LPGAT1: variants seen among roughly 807,000 people sequenced by gnomAD.
LPGAT1 encodes the protein lysophosphatidylglycerol acyltransferase 1, also known as acyl-CoA:lysophosphatidylglycerol acyltransferase 1.
LPGAT1 carries 11 observed loss-of-function variants against 47.5 expected under a neutral mutation model. The ratio of observed to expected loss-of-function variants is 0.23; its 90% CI spans 0.15 to 0.38. LPGAT1 has a LOEUF of 0.38. Ranked by LOEUF, LPGAT1 falls within the 10% of genes least tolerant of loss-of-function variation. LPGAT1 has a pLI of 1.00. For synonymous variants in LPGAT1, 138 were observed against 144.2 expected, an observed-to-expected ratio of 0.96 and a Z score of 0.31; for missense variants, 293 against 439.0, an observed-to-expected ratio of 0.67 and a Z score of 2.97.
chr1:211,825,787 C>A (rs1160736786), intron 2 of LPGAT1, among the ~76,000 whole-genome samples: 2 of 152,148 alleles, frequency 1.3e-5, no homozygotes, highest in African/African-American at 2.4e-5. Flanking sequence ...AGTGAAACCC[C>A]CATCTCTACT....
chr1:211,802,359 A>C (rs932154008), intron 2 of LPGAT1, among the ~76,000 whole-genome samples: 1 of 152,058 alleles, frequency 6.6e-6, no homozygotes, highest in Non-Finnish European at 1.5e-5. Context: ...CGGAGACCTG[A>C]AAAAGGCTGT....
intron 6 of LPGAT1, among the ~76,000 whole-genome samples, chr1:211,777,568 GAAGC>G (rs1658454706): frequency 6.6e-6 from 1 of 151,558 alleles, no homozygotes; most frequent in African/African-American, 2.4e-5. Flanking sequence ...AAAAAAACAA[GAAGC>G]TAGCATAGAT....
intron 6 of LPGAT1, among the ~76,000 whole-genome samples, chr1:211,776,055 T>C (rs1658386128): frequency 6.6e-6 from 1 of 151,956 alleles, no homozygotes; most frequent in Non-Finnish European, 1.5e-5. Flanking sequence ...GTTGGCTCTT[T>C]TTTTTTTCTT....
At position 211,830,023 on chromosome 1, in the gene LPGAT1, T is replaced by G; in HGVS notation, c.-28+550A>C. 1.0e-6 allele frequency: 1 copy of G among 985,414 alleles called. No individual in the cohort carries two copies. Among genetic ancestry groups the G allele is most frequent in the Non-Finnish European group, 1.2e-6 (1 of 830,228 alleles). The allele number at this position is 985,414 out of a possible 1,614,324, so 61.0% of individuals were successfully genotyped here. A position where few individuals can be genotyped will look rare whatever the true frequency, so the allele number is the denominator to read the frequency against. The stretch of plus-strand genomic sequence containing the variant: ...GAGGTAAAAGCCAAGGAACTGGGGA[T>G]GAAGAGAATGAGATTTCCGACCAGA... On this transcript the variant is annotated intron_variant, in intron 1 of 7. Transcript: ENST00000366997. The surrounding 1 kb of genome is among the most constrained non-coding windows in gnomAD (Gnocchi z 5.9).
At chr1:211,776,161 C>T (rs562137884) in intron 6 of LPGAT1, among the ~76,000 whole-genome samples, 20 of 151,792 alleles carry the variant, frequency 1.3e-4, no homozygotes, top group Non-Finnish European at 2.6e-4. Flanking sequence ...AATTAAAATA[C>T]ATGAAATATC....
chr1:211,772,832 T>G (rs574483620), intron 6 of LPGAT1, among the ~76,000 whole-genome samples: 175 of 152,270 alleles, frequency 1.1e-3, no homozygotes, highest in Middle Eastern at 3.4e-3. Context: ...GCCCCTAAAA[T>G]GTATAAAAAC....
At chr1:211,818,361 C>A (rs1293401635) in intron 2 of LPGAT1, among the ~76,000 whole-genome samples, 3 of 152,148 alleles carry the variant, frequency 2.0e-5, no homozygotes, top group African/African-American at 7.2e-5. Context: ...AGGGGGTGGT[C>A]ATCATGCAGC....
At position 211,750,054 on chromosome 1, in the gene LPGAT1, A is replaced by G. The variant is rs1657109908; in HGVS notation, c.962-4T>C. 2.5e-6 allele frequency: 4 copies of G among 1,610,202 alleles called. No homozygotes were observed. The East Asian group carries it at 8.9e-5, about 36-fold the overall frequency. Reference sequence around the variant, plus strand: ...CCCTTGGAAGGTGGAAAAGCTCCTAAAAGACAAGATAGAAATATTAGTTTG... The same window carrying G: ...CCCTTGGAAGGTGGAAAAGCTCCTAGAAGACAAGATAGAAATATTAGTTTG... On this transcript the variant is annotated splice_polypyrimidine_tract_variant and splice_region_variant and intron_variant, in intron 7 of 7. Coordinates refer to ENST00000366997, the MANE Select transcript of LPGAT1 (RefSeq NM_014873.3).
intron 2 of LPGAT1, among the ~76,000 whole-genome samples, chr1:211,821,169 T>C (rs898577789): frequency 1.3e-5 from 2 of 152,098 alleles, no homozygotes; most frequent in Non-Finnish European, 2.9e-5. Context: ...GGCAGGACAA[T>C]TGCTTGAACC....
chr1:211,778,108 C>T (rs948264557), intron 6 of LPGAT1, among the ~76,000 whole-genome samples: 5 of 152,038 alleles, frequency 3.3e-5, no homozygotes, highest in African/African-American at 4.8e-5. Context: ...TTTGGGAGGC[C>T]GACGCAGGCG....
chr1:211,757,251 T>C (rs1657500777), intron 6 of LPGAT1, among the ~76,000 whole-genome samples: 1 of 147,172 alleles, frequency 6.8e-6, no homozygotes, highest in South Asian at 2.2e-4. Flanking sequence ...TAAAATTCTG[T>C]CTCAAAAAAA....
intron 6 of LPGAT1, among the ~76,000 whole-genome samples, chr1:211,760,764 A>G (rs897989129): frequency 1.3e-5 from 2 of 152,202 alleles, no homozygotes; most frequent in African/African-American, 4.8e-5. Context: ...TAGCTAATAC[A>G]TTACGGTTCT....
chr1:211,762,300 AAAGAATGCTGGTG>A (rs201284872), intron 6 of LPGAT1, among the ~76,000 whole-genome samples: 1,689 of 152,336 alleles, frequency 0.011, 12 homozygotes, highest in Middle Eastern at 0.037. Flanking sequence ...TGAATTCACA[AAAGAATGCTGGTG>A]AAGTATCTAT....
chr1:211,805,209 C>A (rs374361744), intron 2 of LPGAT1, among the ~76,000 whole-genome samples: 86 of 151,518 alleles, frequency 5.7e-4, no homozygotes, highest in African/African-American at 2.0e-3. Flanking sequence ...CAAAAAAACA[C>A]AAAAACCATA....
Position 211,791,756 on chromosome 1 carries a change from A to AC in LPGAT1, c.357+1315_357+1316insG, listed in dbSNP as rs1396200339. Among the ~76,000 whole-genome samples, 1,439 of 149,262 alleles carry AC rather than the reference A, an allele frequency of 9.6e-3. 39 individuals are homozygous for AC. Among genetic ancestry groups the AC allele is most frequent in the Non-Finnish European group, 0.015 (1,013 of 66,902 alleles). On this transcript the variant is annotated intron_variant, in intron 3 of 7. Transcript: ENST00000366997. The stretch of plus-strand genomic sequence containing the variant: ...TGCAAGACTCCATCTCAAAAAAAAA[A>AC]AAAAAAAAACAAACAAACAAAAAAA...
chr1:211,813,520 T>C (rs1424261422), intron 2 of LPGAT1, among the ~76,000 whole-genome samples: 1 of 152,200 alleles, frequency 6.6e-6, no homozygotes, highest in Admixed American at 6.5e-5. Flanking sequence ...AATGAGGGTA[T>C]TATGTCGGTA....
intron 6 of LPGAT1, among the ~76,000 whole-genome samples, chr1:211,756,949 G>A (rs180962077): frequency 2.0e-5 from 3 of 150,976 alleles, no homozygotes; most frequent in Admixed American, 2.0e-4. Flanking sequence ...AGACAGTGTG[G>A]CCTAGTGATT....
intron 2 of LPGAT1, among the ~76,000 whole-genome samples, chr1:211,821,162 A>G (rs1197885731): frequency 2.6e-5 from 4 of 152,236 alleles, no homozygotes; most frequent in African/African-American, 7.2e-5. Flanking sequence ...AGGCTGAGGC[A>G]GGACAATTGC....
At chr1:211,773,592 TC>T (rs902093736) in intron 6 of LPGAT1, among the ~76,000 whole-genome samples, 51 of 152,312 alleles carry the variant, frequency 3.3e-4, no homozygotes, top group African/African-American at 9.1e-4. Context: ...TGCACAAGGA[TC>T]GTTTTCTCTA....
Sources: allele counts gnomAD v4.1 joint callset (sites outside exome capture counted in the v4.1 genomes callset), GRCh38; gene constraint gnomAD v4.1.1; non-coding constraint Gnocchi (gnomAD v3.1); transcripts MANE v1.5; gene names NCBI Gene and HGNC (gene_info 2026-07-23, HGNC 2026-07-21).